The following SYT1 variants were observed in gnomAD, a reference collection of about 807,000 sequenced individuals.
SYT1 encodes synaptotagmin-1.
In SYT1, 8 loss-of-function variants were observed where a neutral mutation model predicts 44.8. That is an observed-to-expected ratio of 0.18 (90% CI 0.10 to 0.32). The LOEUF (loss-of-function observed/expected upper bound fraction) is 0.32. Ranked by LOEUF, SYT1 falls within the 10% of genes least tolerant of loss-of-function variation. SYT1 has a pLI of 1.00. For missense variants in SYT1, 286 were observed against 509.3 expected, an observed-to-expected ratio of 0.56 and a Z score of 4.22; for synonymous variants, 154 against 188.8, an observed-to-expected ratio of 0.82 and a Z score of 1.51.
At chr12:79,140,992 G>A (rs1364351550) in intron 3 of SYT1, among the ~76,000 whole-genome samples, 1 of 152,162 alleles carries the variant, frequency 6.6e-6, no homozygotes, top group African/African-American at 2.4e-5. Flanking sequence ...AGCTTCCTAA[G>A]AGTTCCTCAT....
chr12:79,338,319 C>T (rs1345198737), intron 8 of SYT1, among the ~76,000 whole-genome samples: 1 of 151,336 alleles, frequency 6.6e-6, no homozygotes, highest in East Asian at 1.9e-4. Flanking sequence ...CTCTGTCACC[C>T]AGGCTGGAGG....
chr12:79,267,993 G>A (rs371083460), intron 4 of SYT1, among the ~76,000 whole-genome samples: 1 of 152,088 alleles, frequency 6.6e-6, no homozygotes, highest in Non-Finnish European at 1.5e-5. Flanking sequence ...CAGATAAAAC[G>A]TCCTTCATTC....
At chr12:79,156,648 T>C (rs1470552485) in intron 3 of SYT1, among the ~76,000 whole-genome samples, 1 of 152,084 alleles carries the variant, frequency 6.6e-6, no homozygotes, top group African/African-American at 2.4e-5. Context: ...TTTGTATTTT[T>C]AGTAGAGACA....
chr12:78,967,232 G>A (rs1868271023), intron 1 of SYT1, among the ~76,000 whole-genome samples: 1 of 152,140 alleles, frequency 6.6e-6, no homozygotes, highest in Admixed American at 6.5e-5. Context: ...GGCAAAAGCT[G>A]ACATGTATAC....
intron 3 of SYT1, among the ~76,000 whole-genome samples, chr12:79,156,305 T>C (rs1272223198): frequency 6.6e-6 from 1 of 152,206 alleles, no homozygotes; most frequent in East Asian, 1.9e-4. Flanking sequence ...GTTCCTTGTA[T>C]ACACAGATGG....
chr12:79,075,886 T>G (rs1876612560), intron 3 of SYT1, among the ~76,000 whole-genome samples: 1 of 152,176 alleles, frequency 6.6e-6, no homozygotes, highest in Admixed American at 6.6e-5. Context: ...ATTAGATGAT[T>G]ATAAATCACA....
intron 1 of SYT1, among the ~76,000 whole-genome samples, chr12:78,962,988 A>G (rs898157138): frequency 1.3e-5 from 2 of 152,002 alleles, no homozygotes; most frequent in South Asian, 4.1e-4. Flanking sequence ...GTCTCGGGCA[A>G]CCACCATTCC....
chr12:79,164,197 G>A (rs1871113275), intron 3 of SYT1, among the ~76,000 whole-genome samples: 1 of 152,104 alleles, frequency 6.6e-6, no homozygotes, highest in African/African-American at 2.4e-5. Flanking sequence ...ATTAAGAAAT[G>A]TTGGTGCTTT....
chr12:79,122,545 T>G (rs1201901059), intron 3 of SYT1, among the ~76,000 whole-genome samples: 44 of 147,642 alleles, frequency 3.0e-4, no homozygotes, highest in Admixed American at 2.9e-3. Flanking sequence ...GAGATTCATA[T>G]TTCAAATGCA....
intron 1 of SYT1, among the ~76,000 whole-genome samples, chr12:78,948,511 G>A (rs972621174): frequency 6.6e-6 from 1 of 151,822 alleles, no homozygotes; most frequent in Non-Finnish European, 1.5e-5. Context: ...GTCATTTTAT[G>A]TCTGTTCTAT....
intron 3 of SYT1, among the ~76,000 whole-genome samples, chr12:79,075,816 A>G (rs557942336): frequency 6.6e-6 from 1 of 152,272 alleles, no homozygotes; most frequent in South Asian, 2.1e-4. Context: ...TCATAGTCAT[A>G]CACAGATTTT....
intron 1 of SYT1, among the ~76,000 whole-genome samples, chr12:78,949,961 G>A (rs1878875950): frequency 6.6e-6 from 1 of 151,940 alleles, no homozygotes; most frequent in African/African-American, 2.4e-5. Context: ...GTACATAGCA[G>A]CAGAATAACT....
intron 4 of SYT1, among the ~76,000 whole-genome samples, chr12:79,226,509 G>A (rs1232362467): frequency 1.3e-5 from 2 of 152,006 alleles, no homozygotes; most frequent in African/African-American, 4.8e-5. Flanking sequence ...ATTTGCCTTT[G>A]ACCAGCAACC....
chr12:78,959,607 A>G (rs1382272913), intron 1 of SYT1, among the ~76,000 whole-genome samples: 2 of 152,184 alleles, frequency 1.3e-5, no homozygotes, highest in Non-Finnish European at 2.9e-5. Flanking sequence ...TTCTAGCAAG[A>G]GACACCTAAA....
At chr12:79,072,528 TGA>T (rs1250943220) in intron 3 of SYT1, among the ~76,000 whole-genome samples, 9 of 152,190 alleles carry the variant, frequency 5.9e-5, no homozygotes, top group Admixed American at 5.2e-4. Context: ...GTTTAATATT[TGA>T]GTTTTTTATA....
At chr12:79,272,445 T>C (rs554284974) in intron 4 of SYT1, among the ~76,000 whole-genome samples, 1 of 152,174 alleles carries the variant, frequency 6.6e-6, no homozygotes, top group South Asian at 2.1e-4. Context: ...GTAAAACACA[T>C]TGAAGGAGAA....
At chr12:79,205,757 T>C (rs1486310791) in intron 3 of SYT1, among the ~76,000 whole-genome samples, 3 of 152,216 alleles carry the variant, frequency 2.0e-5, no homozygotes, top group Admixed American at 2.0e-4. Context: ...GCAATGAATA[T>C]AGTTTTCACT....
chr12:79,327,572 C>A (rs1468192564), intron 8 of SYT1, among the ~76,000 whole-genome samples: 7 of 152,158 alleles, frequency 4.6e-5, no homozygotes, highest in Non-Finnish European at 1.5e-5. Flanking sequence ...TCAAAAGGCA[C>A]CAGCAAAGGA....
At chr12:79,013,641 A>T (rs764222756) in intron 2 of SYT1, among the ~76,000 whole-genome samples, 18 of 152,194 alleles carry the variant, frequency 1.2e-4, no homozygotes, top group Non-Finnish European at 2.1e-4. Flanking sequence ...TCTTAATAAA[A>T]ATATCCAATC....
Sources: allele counts gnomAD v4.1 joint callset (sites outside exome capture counted in the v4.1 genomes callset), GRCh38; gene constraint gnomAD v4.1.1; transcripts MANE v1.5; gene names NCBI Gene and HGNC (gene_info 2026-07-23, HGNC 2026-07-21).